BAZ1A: variants seen among roughly 807,000 people sequenced by gnomAD.
BAZ1A encodes the protein bromodomain adjacent to zinc finger domain 1A.
A neutral mutation model predicts 185.2 loss-of-function variants in BAZ1A; 50 were observed. The observed-to-expected ratio is 0.27, with a 90% CI of 0.22 to 0.34. BAZ1A has a LOEUF of 0.34. Ranked by LOEUF, BAZ1A falls within the 10% of genes least tolerant of loss-of-function variation. The pLI is 1.00. For synonymous variants in BAZ1A, 571 were observed against 615.6 expected (o/e 0.93, Z 1.07); for missense variants, 1,356 against 1,839.9 (o/e 0.74, Z 4.81).
intron 12 of BAZ1A, among the ~76,000 whole-genome samples, chr14:34,788,127 T>TC (rs753200196): frequency 1.3e-5 from 2 of 151,778 alleles, no homozygotes; most frequent in Non-Finnish European, 2.9e-5. Context: ...TAAGCAATTC[T>TC]CTGCCTCAGC....
chr14:34,840,146 G>C (rs1481222601), intron 3 of BAZ1A, among the ~76,000 whole-genome samples: 3 of 152,062 alleles, frequency 2.0e-5, no homozygotes, highest in Non-Finnish European at 4.4e-5. Flanking sequence ...GGCTAATTGA[G>C]GTAGGTCTAC....
chr14:34,867,733 G>A (rs1469303273), intron 2 of BAZ1A, among the ~76,000 whole-genome samples: 2 of 152,048 alleles, frequency 1.3e-5, no homozygotes, highest in South Asian at 2.1e-4. Flanking sequence ...CCAATTTAAG[G>A]GAGAAAAGTC....
At chr14:34,793,412 T>A (rs1445954898) in intron 11 of BAZ1A, among the ~76,000 whole-genome samples, 7 of 152,226 alleles carry the variant, frequency 4.6e-5, no homozygotes, top group African/African-American at 1.7e-4. Context: ...TGTTTAGACC[T>A]CCTTGATCTA....
chr14:34,821,907 C>T (rs982943603), intron 4 of BAZ1A, among the ~76,000 whole-genome samples: 1 of 152,040 alleles, frequency 6.6e-6, no homozygotes, highest in Non-Finnish European at 1.5e-5. Context: ...TCGCTTGAAC[C>T]TGGAAGGCAG....
intron 18 of BAZ1A, among the ~76,000 whole-genome samples, chr14:34,775,597 A>C (rs1217575210): frequency 6.6e-6 from 1 of 152,238 alleles, no homozygotes; most frequent in Non-Finnish European, 1.5e-5. Context: ...TAATCTGTCC[A>C]AAACTGATGG....
Position 34,785,865 on chromosome 14 carries a change from A to G in BAZ1A, c.1743T>C (p.Ala581=), listed in dbSNP as rs1446783121. The change falls in exon 14 of 27, where the codon GCT becomes GCC. Residue 581 remains alanine (A), a synonymous_variant. Coordinates refer to ENST00000360310, the MANE Select transcript of BAZ1A (RefSeq NM_013448.3). ...GAAGCTCCATACAAGCATCATCTGT[A>G]GCATCAAATCCTCCTCGTTTTTGAT... ...YRYQKRGGFD[A]TDDACMELRL... is the part of the protein sequence containing the mutation. 1.9e-6 allele frequency: 3 copies of G among 1,614,136 alleles called. No homozygotes were observed. Among genetic ancestry groups the G allele is most frequent in the Admixed American group, 1.7e-5 (1 of 60,016 alleles).
At chr14:34,815,986 T>A (rs968938680) in intron 4 of BAZ1A, among the ~76,000 whole-genome samples, 2 of 152,024 alleles carry the variant, frequency 1.3e-5, no homozygotes, top group Non-Finnish European at 2.9e-5. Flanking sequence ...AGATTTCATT[T>A]ATCTTACTAA....
At chr14:34,857,848 TTC>T (rs1194790766) in intron 3 of BAZ1A, among the ~76,000 whole-genome samples, 1 of 152,206 alleles carries the variant, frequency 6.6e-6, no homozygotes, top group Non-Finnish European at 1.5e-5. Context: ...CTTCATTCTG[TTC>T]TCAGAGTTAA....
At position 34,771,583 on chromosome 14, in the gene BAZ1A, C is replaced by T. The variant is rs1359810071; in HGVS notation, c.3229G>A (p.Val1077Ile). 6.2e-7 allele frequency: 1 copy of T among 1,614,096 alleles called. No homozygotes were observed. Among genetic ancestry groups the T allele is most frequent in the Non-Finnish European group, 8.5e-7 (1 of 1,180,018 alleles). Residue 1077 changes from valine to isoleucine, a missense_variant, in exon 21 of 27, where the codon GTT becomes ATT. Transcript: ENST00000360310. Reference protein sequence around the residue: ...ASTPQSVSSVVHYLAMALFQI... With the variant: ...ASTPQSVSSVIHYLAMALFQI... ...AAGAGTGCCATTGCCAGATAATGAA[C>T]CACACTGCTCACTGATTGTGGTGTA...
chr14:34,856,682 A>AC (rs1326164289), intron 3 of BAZ1A, among the ~76,000 whole-genome samples: 1 of 151,508 alleles, frequency 6.6e-6, no homozygotes, highest in African/African-American at 2.4e-5. Flanking sequence ...ACATAGTGAA[A>AC]CCCCATCTCT....
At chr14:34,818,304 ATC>A (rs1448817380) in intron 4 of BAZ1A, among the ~76,000 whole-genome samples, 12 of 152,208 alleles carry the variant, frequency 7.9e-5, no homozygotes, top group African/African-American at 2.9e-4. Context: ...GACAAAGTAG[ATC>A]AGAGGTTCCT....
intron 3 of BAZ1A, 40 bp from the exon 4 acceptor site, chr14:34,826,196 A>C: frequency 6.3e-7 from 1 of 1,595,274 alleles, no homozygotes; most frequent in Non-Finnish European, 8.6e-7. Flanking sequence ...AAATCATTTC[A>C]TATTTTACAG....
chr14:34,854,620 CACATACAT>C (rs904408131), intron 3 of BAZ1A, among the ~76,000 whole-genome samples: 3 of 152,118 alleles, frequency 2.0e-5, no homozygotes, highest in African/African-American at 4.8e-5. Context: ...ATACAATACA[CACATACAT>C]ACATATACAT....
chr14:34,770,703 T>C lies in BAZ1A; in HGVS notation c.3301+808A>G, dbSNP rs560888529. Reference sequence around the variant, plus strand: ...CATAATGGTTAGGAGGTTCCTAGATTAGTCCCTAAAAACCCACTAATTTCA... The same window carrying C: ...CATAATGGTTAGGAGGTTCCTAGATCAGTCCCTAAAAACCCACTAATTTCA... On this transcript the variant is annotated intron_variant, in intron 21 of 26. Coordinates refer to ENST00000360310, the MANE Select transcript of BAZ1A (RefSeq NM_013448.3). 3.8e-3 allele frequency among the ~76,000 whole-genome samples: 584 copies of C among 152,342 alleles called. 4 individuals are homozygous for C. The highest frequency in any genetic ancestry group is 0.014 in the African/African-American group (570 of 41,580).
Position 34,764,836 on chromosome 14 carries a change from T to G in BAZ1A, c.3647A>C (p.Glu1216Ala). 6.2e-7 allele frequency: 1 copy of G among 1,614,138 alleles called. No individual in the cohort carries two copies. Among genetic ancestry groups the G allele is most frequent in the Non-Finnish European group, 8.5e-7 (1 of 1,180,016 alleles). ...SRQRPSLESD[E>A]DVEDSMGGED... ...ACCTCCCATACTGTCTTCCACATCT[T>G]CATCACTTTCCAAGGATGGTCTCTG... Residue 1216 changes from glutamate to alanine, a missense_variant, in exon 23 of 27, where the codon GAA (glutamate) becomes GCA (alanine). Physicochemically the swap from Glu to Ala is moderately radical, Grantham distance 107 (BLOSUM62 -1). This residue lies in a region of BAZ1A where 309 missense variants were observed against 355.3 expected (regional missense o/e 0.87). Coordinates refer to ENST00000360310, the MANE Select transcript of BAZ1A (RefSeq NM_013448.3).
intron 3 of BAZ1A, among the ~76,000 whole-genome samples, chr14:34,841,548 C>T (rs982302765): frequency 2.6e-5 from 4 of 152,106 alleles, no homozygotes; most frequent in African/African-American, 9.7e-5. Context: ...TGCCAACATG[C>T]CCAGCTAATT....
intron 4 of BAZ1A, among the ~76,000 whole-genome samples, chr14:34,818,824 G>A (rs2138695703): frequency 6.6e-6 from 1 of 152,078 alleles, no homozygotes; most frequent in South Asian, 2.1e-4. Flanking sequence ...TGTATGCTGA[G>A]GTTGCTAAAT....
At chr14:34,812,231 G>T (rs1223061438) in intron 4 of BAZ1A, among the ~76,000 whole-genome samples, 1 of 151,200 alleles carries the variant, frequency 6.6e-6, no homozygotes, top group African/African-American at 2.4e-5. Flanking sequence ...GATCTGGGGG[G>T]GGAGGGGAAC....
chr14:34,813,997 C>T (rs1489994368), intron 4 of BAZ1A, among the ~76,000 whole-genome samples: 9 of 149,390 alleles, frequency 6.0e-5, no homozygotes, highest in South Asian at 2.1e-4. Context: ...GAGCCGAGGT[C>T]GCACCACTGT....
Sources: allele counts gnomAD v4.1 joint callset (sites outside exome capture counted in the v4.1 genomes callset), GRCh38; gene constraint gnomAD v4.1.1; regional missense constraint gnomAD v4.1.1; transcripts MANE v1.5; gene names NCBI Gene and HGNC (gene_info 2026-07-23, HGNC 2026-07-21).